Variants in MYSM1 observed in about 807,000 individuals in gnomAD.
MYSM1 encodes deubiquitinase MYSM1.
A neutral mutation model predicts 116.0 loss-of-function variants in MYSM1; 51 were observed. The ratio of observed to expected loss-of-function variants is 0.44; its 90% confidence interval spans 0.35 to 0.56. The LOEUF (loss-of-function observed/expected upper bound fraction) is 0.56, where lower values mean the gene tolerates loss of function less well. Among genes scored for constraint, MYSM1 ranks in the 20% least tolerant of loss-of-function variants. MYSM1 has a pLI of 0.00. For missense variants in MYSM1, 900 were observed against 974.9 expected (o/e 0.92, Z 1.02); for synonymous variants, 313 against 315.2 (o/e 0.99, Z 0.07).
chr1:58,669,178 C>G, intron 12 of MYSM1, 140 bp from the exon 13 acceptor site: 3 of 605,622 alleles, frequency 5.0e-6, no homozygotes, highest in Non-Finnish European at 8.4e-6. Context: ...ATTCCATAAA[C>G]CCTTTCGAAA....
At chr1:58,683,586 A>C (rs970430699) in intron 7 of MYSM1, among the ~76,000 whole-genome samples, 2 of 152,216 alleles carry the variant, frequency 1.3e-5, no homozygotes, top group African/African-American at 4.8e-5. Context: ...AAAGTGAATG[A>C]GCAAATATAA....
intron 9 of MYSM1, chr1:58,676,649 C>T (rs542660991): frequency 1.5e-4 from 33 of 214,684 alleles, no homozygotes; most frequent in African/African-American, 7.8e-4. Flanking sequence ...AATAATTTTA[C>T]TTTTATCTGC....
At chr1:58,698,677 T>G (rs1266405635) in intron 1 of MYSM1, among the ~76,000 whole-genome samples, 2 of 152,228 alleles carry the variant, frequency 1.3e-5, no homozygotes, top group African/African-American at 4.8e-5. Context: ...TAAGTATCCC[T>G]GCCAACCTAT....
At position 58,668,682 on chromosome 1, in the gene MYSM1, C is replaced by T; in HGVS notation, c.1717G>A (p.Glu573Lys). The T allele has an allele frequency of 6.2e-7, 1 of 1,602,114 alleles. No homozygotes were observed. Among genetic ancestry groups the T allele is most frequent in the Non-Finnish European group, 8.5e-7 (1 of 1,173,870 alleles). The change falls in exon 14 of 20, where the codon GAG becomes AAG. Residue 573 changes from glutamate to lysine, a missense_variant and splice_region_variant. Physicochemically the swap from Glu to Lys is moderately conservative, Grantham distance 56 (BLOSUM62 1). This residue lies in a region of MYSM1 where 92 missense variants were observed against 155.0 expected (regional missense o/e 0.59). Transcript: ENST00000472487. Reference protein sequence around the residue: ...PCNFFSEEKQEPFQVKVASEA... With the variant: ...PCNFFSEEKQKPFQVKVASEA... ...GAAGCCACTTTCACCTGAAATGGCTCCTGAAATATAAAAAACAAAACAAAA... is the reference window on the plus strand; with the variant it reads ...GAAGCCACTTTCACCTGAAATGGCTTCTGAAATATAAAAAACAAAACAAAA...
In MYSM1 at chr1:58,698,084, C is replaced by CTCTATATA. The variant is rs1443443579; in HGVS notation, c.68+1900_68+1901insTATATAGA. Among the ~76,000 whole-genome samples, 10 of 31,414 alleles carry CTCTATATA rather than the reference C, an allele frequency of 3.2e-4. 1 individual carries two copies. Among genetic ancestry groups the CTCTATATA allele is most frequent in the African/African-American group, 1.3e-3 (10 of 7,866 alleles). 20.6% of individuals were successfully genotyped at this position (31,414 alleles called of 152,430 possible). On this transcript the variant is annotated intron_variant, in intron 1 of 19. Transcript: ENST00000472487. ...ACACCACTGGACACTATTTATCAGA[C>CTCTATATA]TATATATATATATATATATTTTTTT...
At chr1:58,697,347 C>T (rs1644990335) in intron 1 of MYSM1, among the ~76,000 whole-genome samples, 1 of 148,954 alleles carries the variant, frequency 6.7e-6, no homozygotes, top group Non-Finnish European at 1.5e-5. Context: ...GGATCTGTCA[C>T]TTAAGAGAGA....
chr1:58,670,508 G>A (rs932418916), intron 12 of MYSM1, among the ~76,000 whole-genome samples: 1 of 152,172 alleles, frequency 6.6e-6, no homozygotes, highest in Non-Finnish European at 1.5e-5. Flanking sequence ...CAAGTGAAGA[G>A]GTGACTAAGT....
At chr1:58,672,240 C>T (rs1463746829) in intron 11 of MYSM1, among the ~76,000 whole-genome samples, 1 of 152,130 alleles carries the variant, frequency 6.6e-6, no homozygotes, top group African/African-American at 2.4e-5. Flanking sequence ...GTCAGAATCA[C>T]CTGAGTCTTT....
chr1:58,695,816 C>T (rs1217644934), intron 1 of MYSM1, among the ~76,000 whole-genome samples: 1 of 152,156 alleles, frequency 6.6e-6, no homozygotes, highest in African/African-American at 2.4e-5. Context: ...GGAGATCAAA[C>T]TTTTTAAATT....
At position 58,667,142 on chromosome 1, in the gene MYSM1, T is replaced by C; in HGVS notation, c.1927A>G (p.Thr643Ala). The change falls in exon 16 of 20, where the codon ACC becomes GCC. Residue 643 changes from threonine to alanine, a missense_variant. Thr to Ala is a moderately conservative substitution (Grantham distance 58). Coordinates refer to ENST00000472487, the MANE Select transcript of MYSM1 (RefSeq NM_001085487.3). ...ACACTGAAGCCTCTAACAGCCAAGG[T>C]TTCTGAGGCCTGTGTTTGTGATACA... ...DPVSQTQASETLAVRGFSVIG... is the reference protein window; with the variant it reads ...DPVSQTQASEALAVRGFSVIG... 6.2e-7 allele frequency: 1 copy of C among 1,613,420 alleles called. No homozygotes were observed.
intron 9 of MYSM1, 39 bp from the exon 10 acceptor site, chr1:58,675,619 T>C (rs764447322): frequency 6.6e-7 from 1 of 1,521,932 alleles, no homozygotes; most frequent in Non-Finnish European, 9.0e-7. Flanking sequence ...TCTATTATTT[T>C]GTGAAACTCA....
rs1473555981 is a variant in MYSM1 at position 58,657,364 on chromosome 1, AG to A, written c.*2632del. The A allele has an allele frequency of 7.2e-5, 11 of 152,148 alleles. No individual in the cohort carries two copies. The highest frequency in any genetic ancestry group is 2.4e-4 in the African/African-American group (10 of 41,426). 9.4% of individuals were successfully genotyped at this position (152,148 alleles called of 1,614,324 possible). ...TCTCCACTTCTGTAAACATTATTAAAGGCAGGTGTTCCTTTGAGACTCTGCC... is the reference window on the plus strand; with the variant it reads ...TCTCCACTTCTGTAAACATTATTAAAGCAGGTGTTCCTTTGAGACTCTGCC... On this transcript the variant is annotated 3_prime_UTR_variant, in exon 20 of 20. Transcript: ENST00000472487.
chr1:58,682,989 T>C (rs1248097634), intron 7 of MYSM1, among the ~76,000 whole-genome samples: 1 of 152,178 alleles, frequency 6.6e-6, no homozygotes, highest in East Asian at 1.9e-4. Context: ...TGTTTTTCTT[T>C]AAAGGGTTTA....
chr1:58,665,420 A>T (rs1410239977), intron 17 of MYSM1, 79 bp downstream of exon 17: 10 of 1,119,674 alleles, frequency 8.9e-6, no homozygotes, highest in Non-Finnish European at 1.1e-5. Flanking sequence ...AATTTTAAAC[A>T]GTTGCAAATC....
At chr1:58,666,102 C>T (rs574775743) in intron 16 of MYSM1, among the ~76,000 whole-genome samples, 1 of 151,956 alleles carries the variant, frequency 6.6e-6, no homozygotes, top group Admixed American at 6.6e-5. Context: ...AAATCAAATG[C>T]CTTAGATATT....
chr1:58,699,905 G>T (rs1219058233), intron 1 of MYSM1, 80 bp downstream of exon 1: 2 of 1,596,764 alleles, frequency 1.3e-6, no homozygotes, highest in Non-Finnish European at 1.7e-6. Flanking sequence ...TTCCCTTGCC[G>T]GACCTGCAGC....
chr1:58,700,001 C>A lies in MYSM1; in HGVS notation c.52G>T (p.Ala18Ser). The change falls in exon 1 of 20, where the codon GCG (alanine) becomes TCG (serine). Residue 18 changes from alanine to serine, a missense_variant. Ala to Ser is a moderately conservative substitution (Grantham distance 99). Around this residue, in one of 3 missense-constraint regions of MYSM1, gnomAD observed 622 missense variants for 623.7 expected, o/e 1.00. Transcript: ENST00000472487. The stretch of plus-strand genomic sequence containing the variant: ...AAGCCTCACCCTGGCTGTGCCCCCG[C>A]CGCCGCTACCACGTCCCCTTCGATA... ...VDIEGDVVAA[A>S]GAQPGSGENT... The A allele has an allele frequency of 6.2e-7, 1 of 1,613,650 alleles. No homozygotes were observed. The highest frequency in any genetic ancestry group is 8.5e-7 in the Non-Finnish European group (1 of 1,180,010).
At position 58,659,190 on chromosome 1, in the gene MYSM1, A is replaced by G. The variant is rs1336028555; in HGVS notation, c.*807T>C. ...TCTGATTTATTCCAGCTTTATTATC[A>G]TTTGCCTCTTTCTCCTAGTAGTAGG... On this transcript the variant is annotated 3_prime_UTR_variant, in exon 20 of 20. Coordinates refer to ENST00000472487, the MANE Select transcript of MYSM1 (RefSeq NM_001085487.3). 2 of 152,106 alleles carry G rather than the reference A, an allele frequency of 1.3e-5. No individual in the cohort carries two copies. Among genetic ancestry groups the G allele is most frequent in the African/African-American group, 4.8e-5 (2 of 41,418 alleles). 9.4% of individuals were successfully genotyped at this position (152,106 alleles called of 1,614,324 possible).
chr1:58,670,774 A>T (rs74076798), intron 12 of MYSM1, among the ~76,000 whole-genome samples: 3,605 of 152,280 alleles, frequency 0.024, 131 homozygotes, highest in African/African-American at 0.083. Context: ...TAAACATTGC[A>T]ATCAGTGAGT....
Sources: gnomAD v4.1 joint callset for allele counts (sites outside exome capture counted in the v4.1 genomes callset) on GRCh38, gnomAD v4.1.1 for gene constraint, gnomAD v4.1.1 regional missense constraint, MANE v1.5 for transcripts, NCBI Gene and HGNC (gene_info 2026-07-23, HGNC 2026-07-21) for gene names.